Variants in PNPLA7 observed in about 807,000 individuals in gnomAD.
PNPLA7 encodes patatin-like phospholipase domain-containing protein 7.
In PNPLA7, 153 loss-of-function variants were observed where a neutral mutation model predicts 161.7. The observed-to-expected ratio is 0.95, with a 90% CI of 0.83 to 1.08. PNPLA7 has a LOEUF of 1.08. PNPLA7 is among the 50% of genes least tolerant of loss of function. The pLI, the probability that PNPLA7 is intolerant of heterozygous loss-of-function variation, is 0.00. For missense variants in PNPLA7, 1,739 were observed against 1,856.6 expected (o/e 0.94, Z 1.16); for synonymous variants, 809 against 782.1 (o/e 1.03, Z -0.57).
chr9:137,545,667 A>G (rs1262463896), intron 4 of PNPLA7, among the ~76,000 whole-genome samples: 2 of 152,240 alleles, frequency 1.3e-5, no homozygotes, highest in East Asian at 1.9e-4. Context: ...CTTTATTCCA[A>G]TATTATAATA....
chr9:137,506,320 T>A (rs1326931727), intron 12 of PNPLA7, among the ~76,000 whole-genome samples: 1 of 152,176 alleles, frequency 6.6e-6, no homozygotes, highest in African/African-American at 2.4e-5. Flanking sequence ...GCCTTCAACA[T>A]TTCTGGGCAC....
rs1033092747 is a variant in PNPLA7 at position 137,476,229 on chromosome 9, C to T, written c.2882+1805G>A. Among the ~76,000 whole-genome samples, 5 of 152,116 alleles carry T rather than the reference C, an allele frequency of 3.3e-5. No homozygotes were observed. Among genetic ancestry groups the T allele is most frequent in the East Asian group, 3.8e-4 (2 of 5,198 alleles). On this transcript the variant is annotated intron_variant, in intron 25 of 34. Transcript: ENST00000406427. The surrounding 1 kb of genome is among the most constrained non-coding windows in gnomAD (Gnocchi z 4.5). ...AGGTTAATGCCTGCCTCAGTGTCTT[C>T]GGGTAAATTAAGGATACCCAGAAAA...
In PNPLA7 at chr9:137,521,669, G is replaced by C; in HGVS notation, c.924C>G (p.Asn308Lys). 6.2e-7 allele frequency: 1 copy of C among 1,612,380 alleles called. No homozygotes were observed. Among genetic ancestry groups the C allele is most frequent in the South Asian group, 1.1e-5 (1 of 91,018 alleles). The change falls in exon 10 of 35, where the codon AAC becomes AAG. Residue 308 changes from asparagine (N) to lysine (K), a missense_variant. Physicochemically the swap from Asn to Lys is moderately conservative, Grantham distance 94. Transcript: ENST00000406427. ...LQRVTFLALH[N>K]YLGLTTELFN... The stretch of plus-strand genomic sequence containing the variant: ...AGAGCTCTGTGGTCAGGCCGAGGTA[G>C]TTGTGCAGAGCCAGAAAGGTCACCC...
intron 4 of PNPLA7, 42 bp downstream of exon 4, chr9:137,546,788 C>A (rs547056474): frequency 6.3e-7 from 1 of 1,594,888 alleles, no homozygotes; most frequent in Admixed American, 1.7e-5. Flanking sequence ...GGGGCCTGCT[C>A]GAGGAAGCCG....
chr9:137,484,806 G>C, intron 20 of PNPLA7, 70 bp from the exon 21 acceptor site: 1 of 1,478,824 alleles, frequency 6.8e-7, no homozygotes, highest in Non-Finnish European at 9.0e-7. Flanking sequence ...ATGCCCTGGG[G>C]CCCCCCGAGG....
chr9:137,494,654 C>T (rs188706967), intron 19 of PNPLA7, among the ~76,000 whole-genome samples: 8 of 141,452 alleles, frequency 5.7e-5, no homozygotes, highest in Non-Finnish European at 7.7e-5. Flanking sequence ...ACCTGCTCCG[C>T]GCCCTCACCT....
chr9:137,525,899 C>G (rs982911579), intron 8 of PNPLA7, among the ~76,000 whole-genome samples: 3 of 150,294 alleles, frequency 2.0e-5, no homozygotes, highest in Non-Finnish European at 4.4e-5. Context: ...CTCTAGTGGC[C>G]CTGTCTGGGC....
At chr9:137,534,648 C>CA (rs1835790994) in intron 8 of PNPLA7, among the ~76,000 whole-genome samples, 1 of 152,254 alleles carries the variant, frequency 6.6e-6, no homozygotes, top group Non-Finnish European at 1.5e-5. Context: ...AGTCCTCCTG[C>CA]AGGGAGTGTC....
intron 14 of PNPLA7, among the ~76,000 whole-genome samples, chr9:137,504,573 G>A (rs1833810765): frequency 1.3e-5 from 2 of 152,178 alleles, no homozygotes; most frequent in Admixed American, 1.3e-4. Flanking sequence ...CTCAGATCCT[G>A]ATCTGTACAA....
In PNPLA7 at chr9:137,463,416, T is replaced by A. The variant is rs375382976; in HGVS notation, c.3342A>T (p.Pro1114=). 2 of 1,601,654 alleles carry A rather than the reference T, an allele frequency of 1.2e-6. No homozygotes were observed. Among genetic ancestry groups the A allele is most frequent in the African/African-American group, 2.7e-5 (2 of 74,774 alleles). Residue 1114 remains proline (P), a splice_region_variant and synonymous_variant, in exon 29 of 35, where the codon CCA becomes CCT. Coordinates refer to ENST00000406427, the MANE Select transcript of PNPLA7 (RefSeq NM_001098537.3). ...LMDGGYINNL[P]ADVARSMGAK... ...GGCGTGGTCCCCCCACCGCAGTACC[T>A]GGGAGGTTGTTGATGTAGCCCCCGT...
At chr9:137,481,795 G>T (rs1588565909) in intron 21 of PNPLA7, among the ~76,000 whole-genome samples, 1 of 152,362 alleles carries the variant, frequency 6.6e-6, no homozygotes, top group East Asian at 1.9e-4. Context: ...ACTTAGCTGG[G>T]TGTGGTGGCG....
chr9:137,529,658 T>G (rs925386346), intron 8 of PNPLA7, among the ~76,000 whole-genome samples: 33 of 109,588 alleles, frequency 3.0e-4, no homozygotes, highest in Non-Finnish European at 4.0e-4. Context: ...GAATCTTTGT[T>G]TTTTTTTTTT....
intron 18 of PNPLA7, 114 bp from the exon 19 acceptor site, chr9:137,495,260 C>T (rs1284933664): frequency 1.5e-6 from 1 of 686,106 alleles, no homozygotes; most frequent in Non-Finnish European, 2.4e-6. Context: ...CCCATCCACA[C>T]CGCAAGGCGG....
chr9:137,501,748 AG>A (rs746725175), intron 14 of PNPLA7, 21 bp from the exon 15 acceptor site: 1 of 1,610,450 alleles, frequency 6.2e-7, no homozygotes, highest in South Asian at 1.1e-5. Context: ...AGCAGACTTC[AG>A]GGAACACGGG....
At position 137,476,793 on chromosome 9, in the gene PNPLA7, C is replaced by T. The variant is rs1376528710; in HGVS notation, c.2882+1241G>A. ...CCACAGAAAGAGACTTGGGTCCTGT[C>T]CCCAGCCTGGCAACCTCAGGCAAGC... On this transcript the variant is annotated intron_variant, in intron 25 of 34. Coordinates refer to ENST00000406427, the MANE Select transcript of PNPLA7 (RefSeq NM_001098537.3). This position sits in a 1 kb window ranked among gnomAD's most constrained non-coding sequence, Gnocchi z 4.5. Among the ~76,000 whole-genome samples the T allele has an allele frequency of 6.6e-6, 1 of 152,224 alleles. No homozygotes were observed. Among genetic ancestry groups the T allele is most frequent in the African/African-American group, 2.4e-5 (1 of 41,452 alleles).
rs992965076 is a variant in PNPLA7, at chr9:137,497,818, C to T, written c.1889+296G>A. ...CTGGGATGACACGCGTGAGCCACCACGCCCAGCTAATGGGGCCCTTTTAAA... is the reference window on the plus strand; with the variant it reads ...CTGGGATGACACGCGTGAGCCACCATGCCCAGCTAATGGGGCCCTTTTAAA... On this transcript the variant is annotated intron_variant, in intron 17 of 34. Coordinates refer to ENST00000406427, the MANE Select transcript of PNPLA7 (RefSeq NM_001098537.3). 5.3e-5 allele frequency among the ~76,000 whole-genome samples: 8 copies of T among 152,252 alleles called. No homozygotes were observed. The East Asian group carries it at 5.8e-4, about 11-fold the overall frequency.
chr9:137,505,756 C>G lies in PNPLA7; in HGVS notation c.1331G>C (p.Arg444Thr). ...HPGSSVASKS[R>T]KSVMVAEIPS... is the part of the protein sequence containing the mutation. ...TATCTCTGCAACCATCACGCTTTTC[C>G]TGGACTGGAGAAGAACGGAGATACC... Residue 444 changes from arginine (R) to threonine (T), a missense_variant, in exon 14 of 35, where the codon AGG becomes ACG. Physicochemically the swap from Arg to Thr is moderately conservative, Grantham distance 71. Transcript: ENST00000406427. 6.2e-7 allele frequency: 1 copy of G among 1,613,908 alleles called. No homozygotes were observed. Among genetic ancestry groups the G allele is most frequent in the Non-Finnish European group, 8.5e-7 (1 of 1,179,922 alleles).
In PNPLA7 at chr9:137,500,725, T is replaced by A. The variant is rs747628127; in HGVS notation, c.1723A>T (p.Ser575Cys). 6.2e-6 allele frequency: 10 copies of A among 1,612,432 alleles called. No homozygotes were observed. The South Asian group carries it at 9.9e-5, about 16-fold the overall frequency. ...TGGGCCTTGGAGATGGACAGGAAGC[T>A]GCAGTCCCTGTTGGCCTTGACGGTG... The part of the protein sequence containing the change: ...IFTVKANRDC[S>C]FLSISKAHFY... The change falls in exon 16 of 35, where the codon AGC becomes TGC. Residue 575 changes from serine to cysteine, a missense_variant. Around this residue, in one of 6 missense-constraint regions of PNPLA7, gnomAD observed 481 missense variants for 450.0 expected, o/e 1.07. Transcript: ENST00000406427. The surrounding 1 kb of genome is among the most constrained non-coding windows in gnomAD (Gnocchi z 5.5).
At chr9:137,536,161 AAAAAAG>A (rs1218403454) in intron 8 of PNPLA7, among the ~76,000 whole-genome samples, 1 of 152,048 alleles carries the variant, frequency 6.6e-6, no homozygotes, top group African/African-American at 2.4e-5. Flanking sequence ...ACAAAAAAAA[AAAAAAG>A]AAAAGAAAAA....
Sources: gnomAD v4.1 joint callset for allele counts (sites outside exome capture counted in the v4.1 genomes callset) on GRCh38, gnomAD v4.1.1 for gene constraint, gnomAD v4.1.1 regional missense constraint, Gnocchi (gnomAD v3.1) non-coding constraint, MANE v1.5 for transcripts, NCBI Gene and HGNC (gene_info 2026-07-23, HGNC 2026-07-21) for gene names.